The following PRR5L variants were observed in gnomAD, a reference collection of about 807,000 sequenced individuals.
PRR5L encodes proline rich 5 like.
Under a neutral mutation model 36.4 loss-of-function variants are expected in PRR5L, and 21 were observed. The ratio of observed to expected loss-of-function variants is 0.58; its 90% CI spans 0.41 to 0.83. The LOEUF (loss-of-function observed/expected upper bound fraction) is 0.83, where lower values mean the gene tolerates loss of function less well. Among genes scored for constraint, PRR5L ranks in the 40% least tolerant of loss-of-function variants. PRR5L has a pLI of 0.00. For missense variants in PRR5L, 381 were observed against 473.3 expected, an observed-to-expected ratio of 0.80 and a Z score of 1.81; for synonymous variants, 188 against 197.0, an observed-to-expected ratio of 0.95 and a Z score of 0.38.
intron 1 of PRR5L, among the ~76,000 whole-genome samples, chr11:36,389,959 A>C (rs1857533725): frequency 6.6e-6 from 1 of 152,144 alleles, no homozygotes; most frequent in Non-Finnish European, 1.5e-5. Context: ...CCTCACACAC[A>C]GCTGGCTCAT....
intron 1 of PRR5L, among the ~76,000 whole-genome samples, chr11:36,350,822 G>C (rs955325424): frequency 1.3e-5 from 2 of 148,274 alleles, no homozygotes; most frequent in Non-Finnish European, 3.0e-5. Flanking sequence ...ACTTCATTTA[G>C]AATAATGGTC....
chr11:36,311,975 T>G (rs980383728), intron 1 of PRR5L, among the ~76,000 whole-genome samples: 1 of 152,106 alleles, frequency 6.6e-6, no homozygotes, highest in African/African-American at 2.4e-5. Flanking sequence ...CCCTGAATAT[T>G]CACATGAAAA....
chr11:36,307,239 A>T lies in PRR5L; in HGVS notation c.-126+10801A>T, dbSNP rs1856444804. Among the ~76,000 whole-genome samples, 3 of 152,298 alleles carry T rather than the reference A, an allele frequency of 2.0e-5. No individual in the cohort carries two copies. The South Asian group carries it at 6.2e-4, about 32-fold the overall frequency. ...CACAACAAGTTTGCAAATGCTTCAT[A>T]TGCCTTGTCATTCACTCCTCACAAT... On this transcript the variant is annotated intron_variant, in intron 1 of 8. Coordinates refer to ENST00000530639, the MANE Select transcript of PRR5L (RefSeq NM_001160167.2).
chr11:36,451,330 C>G lies in PRR5L; in HGVS notation c.707C>G (p.Thr236Arg). The G allele has an allele frequency of 1.9e-6, 3 of 1,614,024 alleles. No homozygotes were observed. The highest frequency in any genetic ancestry group is 2.5e-6 in the Non-Finnish European group (3 of 1,179,954). Residue 236 changes from threonine (T) to arginine (R), a missense_variant, in exon 8 of 9, where the codon ACG becomes AGG. Transcript: ENST00000530639. Reference protein sequence around the residue: ...GDRSFSGPTYTLARRHSRVRP... With the variant: ...GDRSFSGPTYRLARRHSRVRP... Reference sequence around the variant, plus strand: ...CGTAGCTTCTCAGGCCCCACGTACACGCTGGGTAAGGAGTGCAGCTCTCAA... The same window carrying G: ...CGTAGCTTCTCAGGCCCCACGTACAGGCTGGGTAAGGAGTGCAGCTCTCAA...
At chr11:36,419,027 C>T (rs1858208479) in intron 3 of PRR5L, among the ~76,000 whole-genome samples, 1 of 152,146 alleles carries the variant, frequency 6.6e-6, no homozygotes, top group South Asian at 2.1e-4. Flanking sequence ...GCCAGCTGCC[C>T]TCTTCACAGT....
intron 4 of PRR5L, chr11:36,425,918 G>C (rs1477401224): frequency 6.6e-6 from 1 of 152,254 alleles, no homozygotes; most frequent in African/African-American, 2.4e-5. Flanking sequence ...CAAATGTCTG[G>C]AGTGAAACTG....
At chr11:36,333,110 G>A (rs1348794578) in intron 1 of PRR5L, among the ~76,000 whole-genome samples, 4 of 152,130 alleles carry the variant, frequency 2.6e-5, no homozygotes. Context: ...TTGGCTAAGA[G>A]TGATAGCAAA....
In PRR5L at chr11:36,464,581, C is replaced by T. The variant is rs1232862866; in HGVS notation, c.*1845C>T. 6.6e-6 allele frequency: 1 copy of T among 152,194 alleles called. No individual in the cohort carries two copies. The highest frequency in any genetic ancestry group is 1.5e-5 in the Non-Finnish European group (1 of 68,026). 9.4% of individuals were successfully genotyped at this position (152,194 alleles called of 1,614,324 possible). A position where few individuals can be genotyped will look rare whatever the true frequency, so the allele number is the denominator to read the frequency against. On this transcript the variant is annotated 3_prime_UTR_variant, in exon 9 of 9. Transcript: ENST00000530639. ...TAAAGTCTACAGACTGACTAACATG[C>T]ATTAGCAAATGGAGCATCAGTAGGT...
intron 1 of PRR5L, among the ~76,000 whole-genome samples, chr11:36,329,636 C>T (rs907291241): frequency 6.6e-6 from 1 of 152,238 alleles, no homozygotes; most frequent in East Asian, 1.9e-4. Flanking sequence ...TGCATAAGTG[C>T]AGCAAAAATG....
At chr11:36,416,410 G>A (rs1377065506) in intron 3 of PRR5L, among the ~76,000 whole-genome samples, 1 of 152,208 alleles carries the variant, frequency 6.6e-6, no homozygotes, top group African/African-American at 2.4e-5. Context: ...GGACAAGTGT[G>A]TGGTTCTCCT....
At chr11:36,454,905 T>C (rs1859020609) in intron 8 of PRR5L, 1 of 152,012 alleles carries the variant, frequency 6.6e-6, no homozygotes, top group African/African-American at 2.4e-5. Flanking sequence ...ACAGTGGGAG[T>C]TGCTGAGGGA....
intron 8 of PRR5L, among the ~76,000 whole-genome samples, chr11:36,458,824 C>T (rs1859118545): frequency 6.6e-6 from 1 of 152,194 alleles, no homozygotes; most frequent in South Asian, 2.1e-4. Context: ...CCCTCCTGTC[C>T]AAGTGTGGTG....
intron 3 of PRR5L, among the ~76,000 whole-genome samples, chr11:36,412,558 G>A (rs1858048467): frequency 1.3e-5 from 2 of 152,128 alleles, no homozygotes; most frequent in African/African-American, 4.8e-5. Flanking sequence ...ATTAGGAATC[G>A]GGATTTTCAT....
intron 1 of PRR5L, among the ~76,000 whole-genome samples, chr11:36,360,117 A>C (rs1857071588): frequency 1.3e-5 from 2 of 151,604 alleles, no homozygotes. Flanking sequence ...CAGAAAACTT[A>C]TGTTCTTTAT....
chr11:36,307,180 G>A (rs720758), intron 1 of PRR5L, among the ~76,000 whole-genome samples: 20,850 of 152,148 alleles, frequency 0.14, 1,964 homozygotes, highest in African/African-American at 0.27. Flanking sequence ...ATAAAATCAT[G>A]CTGTGAGATA....
intron 6 of PRR5L, among the ~76,000 whole-genome samples, chr11:36,438,091 T>G (rs1489790927): frequency 6.6e-6 from 1 of 152,188 alleles, no homozygotes; most frequent in Non-Finnish European, 1.5e-5. Context: ...GAATGACACC[T>G]CTAGTATTCT....
intron 5 of PRR5L, among the ~76,000 whole-genome samples, chr11:36,432,155 T>A (rs1283521833): frequency 7.1e-6 from 1 of 140,640 alleles, no homozygotes; most frequent in Non-Finnish European, 1.5e-5. Flanking sequence ...TGTTCAGGGT[T>A]TTTTTTTGTT....
intron 2 of PRR5L, among the ~76,000 whole-genome samples, chr11:36,401,612 T>A (rs924545194): frequency 3.3e-5 from 5 of 151,634 alleles, no homozygotes; most frequent in African/African-American, 9.8e-5. Context: ...AATTTTTTTT[T>A]AAAGAGATGG....
chr11:36,366,510 G>A lies in PRR5L; in HGVS notation c.-125-34487G>A, dbSNP rs546691923. ...TCTATTTTGCAAAGGAAGATTTTGA[G>A]TAAAATGAAAAACAAATACATTTCC... On this transcript the variant is annotated intron_variant, in intron 1 of 8. Transcript: ENST00000530639. Among the ~76,000 whole-genome samples the A allele has an allele frequency of 3.3e-5, 5 of 152,204 alleles. No individual in the cohort carries two copies. In the South Asian group the frequency reaches 1.0e-3, roughly 32 times the overall value.
Sources: gnomAD v4.1 joint callset for allele counts (sites outside exome capture counted in the v4.1 genomes callset) on GRCh38, gnomAD v4.1.1 for gene constraint, MANE v1.5 for transcripts, NCBI Gene and HGNC (gene_info 2026-07-23, HGNC 2026-07-21) for gene names.